The following EMID1 variants were observed in gnomAD, a reference collection of about 807,000 sequenced individuals.
The protein encoded by EMID1 is EMI domain-containing protein 1.
In EMID1, 40 loss-of-function variants were observed where a neutral mutation model predicts 60.6. The ratio of observed to expected loss-of-function variants is 0.66; its 90% CI spans 0.51 to 0.86. The LOEUF (loss-of-function observed/expected upper bound fraction) is 0.86. Ranked by LOEUF, EMID1 falls within the 40% of genes least tolerant of loss-of-function variation. The probability of loss-of-function intolerance (pLI) is 0.00; values close to 1 mark genes in which losing one functional copy is unlikely to be tolerated. For missense variants in EMID1, 585 were observed against 597.1 expected (o/e 0.98, Z 0.21); for synonymous variants, 242 against 231.0 (o/e 1.05, Z -0.43).
At chr22:29,225,781 C>G (rs548618190) in intron 4 of EMID1, among the ~76,000 whole-genome samples, 2 of 152,228 alleles carry the variant, frequency 1.3e-5, no homozygotes, top group East Asian at 3.9e-4. Flanking sequence ...GTGACACTCC[C>G]GTGAGGAGGG....
At chr22:29,254,152 G>A in intron 13 of EMID1, 51 bp from the exon 14 acceptor site, 1 of 1,611,578 alleles carries the variant, frequency 6.2e-7, no homozygotes, top group Non-Finnish European at 8.5e-7. Context: ...GGCTTTGCAG[G>A]GTCCCCTCCC....
intron 4 of EMID1, 127 bp downstream of exon 4, chr22:29,225,343 T>A: frequency 1.0e-6 from 1 of 954,794 alleles, no homozygotes; most frequent in Non-Finnish European, 1.5e-6. Flanking sequence ...ACAGTAACTA[T>A]CTTCCCACCC....
At chr22:29,220,244 C>A (rs954605496) in intron 3 of EMID1, among the ~76,000 whole-genome samples, 1 of 152,188 alleles carries the variant, frequency 6.6e-6, no homozygotes, top group Non-Finnish European at 1.5e-5. Flanking sequence ...CTAGGTTGAC[C>A]CCCATCCTGC....
intron 11 of EMID1, 30 bp downstream of exon 11, chr22:29,234,229 A>G (rs763848265): frequency 1.9e-6 from 3 of 1,608,918 alleles, no homozygotes; most frequent in African/African-American, 1.3e-5. Context: ...CAGGTGGGGG[A>G]ATTCTGGGGA....
rs543134934 is a variant in EMID1, at chr22:29,215,360, G to T, written c.216-167G>T. ...TCTCCAATCCCTGTGGCAAGGTGGT[G>T]GGGGGATGGAAGGGCTGAATCCCAA... is the stretch of plus-strand genomic sequence containing the variant. On this transcript the variant is annotated intron_variant, in intron 2 of 14. Transcript: ENST00000334018. The T allele has an allele frequency of 3.0e-4, 272 of 895,906 alleles. No individual in the cohort carries two copies. In the African/African-American group the frequency reaches 3.9e-3, roughly 13 times the overall value. The allele number at this position is 895,906 out of a possible 1,614,324, so 55.5% of individuals were successfully genotyped here.
chr22:29,225,286 T>C (rs1442297925), intron 4 of EMID1, 70 bp downstream of exon 4: 7 of 1,526,394 alleles, frequency 4.6e-6, no homozygotes, highest in Non-Finnish European at 6.3e-6. Context: ...CAGGGCAGTT[T>C]GGTAACTGTC....
chr22:29,225,059 C>A, intron 3 of EMID1, 74 bp from the exon 4 acceptor site: 2 of 1,497,374 alleles, frequency 1.3e-6, no homozygotes, highest in Non-Finnish European at 1.8e-6. Context: ...CCTGCTGGGG[C>A]TACAGTGGTG....
intron 13 of EMID1, among the ~76,000 whole-genome samples, chr22:29,246,939 C>T (rs956486776): frequency 1.3e-4 from 20 of 152,020 alleles, no homozygotes; most frequent in African/African-American, 4.6e-4. Context: ...AAGTGTGAGC[C>T]ACTGCACCTG....
chr22:29,243,377 T>C, intron 12 of EMID1, 68 bp from the exon 13 acceptor site: 1 of 1,518,814 alleles, frequency 6.6e-7, no homozygotes, highest in Admixed American at 1.8e-5. Context: ...TTTTCCTCCC[T>C]CTTTTTTTCC....
intron 8 of EMID1, 98 bp downstream of exon 8, chr22:29,232,500 C>T: frequency 7.4e-7 from 1 of 1,352,032 alleles, no homozygotes; most frequent in South Asian, 1.5e-5. Flanking sequence ...GTGTGCCAGC[C>T]CTGCTCACGA....
chr22:29,207,559 A>G (rs1342326076), intron 1 of EMID1, among the ~76,000 whole-genome samples: 1 of 152,200 alleles, frequency 6.6e-6, no homozygotes, highest in East Asian at 1.9e-4. Flanking sequence ...ACCGCCCTGC[A>G]GCCAGTTCAA....
intron 12 of EMID1, among the ~76,000 whole-genome samples, chr22:29,238,265 T>C (rs1371510565): frequency 1.8e-5 from 2 of 113,798 alleles, no homozygotes; most frequent in Admixed American, 8.1e-5. Context: ...ATTATTATTA[T>C]TATTATTATT....
rs534138709 is a variant in EMID1, at chr22:29,220,073, G to A, written c.319+4443G>A. ...CCATCCTGCACGCCCAGCCAACATGGCTGCCTCCTCCACTCTCTCAGCCCC... is the reference window on the plus strand; with the variant it reads ...CCATCCTGCACGCCCAGCCAACATGACTGCCTCCTCCACTCTCTCAGCCCC... On this transcript the variant is annotated intron_variant, in intron 3 of 14. Coordinates refer to ENST00000334018, the MANE Select transcript of EMID1 (RefSeq NM_133455.4). Among the ~76,000 whole-genome samples, 14 of 152,060 alleles carry A rather than the reference G, an allele frequency of 9.2e-5. No individual in the cohort carries two copies. The East Asian group carries it at 2.7e-3, about 29-fold the overall frequency.
At chr22:29,235,547 G>C (rs2040915639) in intron 12 of EMID1, among the ~76,000 whole-genome samples, 1 of 150,738 alleles carries the variant, frequency 6.6e-6, no homozygotes, top group Non-Finnish European at 1.5e-5. Context: ...GTCTTCTTTT[G>C]GATTGAGTAC....
intron 4 of EMID1, 141 bp from the exon 5 acceptor site, chr22:29,226,349 C>A: frequency 1.1e-6 from 1 of 886,394 alleles, no homozygotes; most frequent in Non-Finnish European, 1.7e-6. Context: ...TCCTATAGCC[C>A]TTCCCAAGCC....
chr22:29,206,429 C>T (rs994364850), intron 1 of EMID1, among the ~76,000 whole-genome samples: 2 of 152,350 alleles, frequency 1.3e-5, no homozygotes, highest in African/African-American at 4.8e-5. Flanking sequence ...TCCCCTGTCC[C>T]TAGGGCCCCT....
At chr22:29,243,845 T>A (rs146283607) in intron 13 of EMID1, among the ~76,000 whole-genome samples, 90 of 152,198 alleles carry the variant, frequency 5.9e-4, no homozygotes, top group African/African-American at 2.0e-3. Context: ...CATAGCCCCC[T>A]CCCAGCCAAG....
At chr22:29,227,833 G>A (rs1250332383) in intron 5 of EMID1, among the ~76,000 whole-genome samples, 2 of 151,878 alleles carry the variant, frequency 1.3e-5, no homozygotes, top group African/African-American at 4.8e-5. Flanking sequence ...GGCTAAGATG[G>A]TGAAACCTCA....
intron 3 of EMID1, chr22:29,216,187 C>T (rs1208493169): frequency 2.1e-6 from 1 of 473,784 alleles, no homozygotes; most frequent in Non-Finnish European, 2.8e-6. Flanking sequence ...GGACTTCTCT[C>T]ACCCCACCTG....
Sources: allele counts gnomAD v4.1 joint callset (sites outside exome capture counted in the v4.1 genomes callset), GRCh38; gene constraint gnomAD v4.1.1; transcripts MANE v1.5; gene names NCBI Gene and HGNC (gene_info 2026-07-23, HGNC 2026-07-21).